ARNT2: variants seen among roughly 807,000 people sequenced by gnomAD.
The protein encoded by ARNT2 is ARNT protein 2.
A neutral mutation model predicts 91.7 loss-of-function variants in ARNT2; 36 were observed. The ratio of observed to expected loss-of-function variants is 0.39; its 90% CI spans 0.30 to 0.52. The LOEUF is 0.52. ARNT2 is among the 20% of genes least tolerant of loss of function. The probability of loss-of-function intolerance (pLI) is 0.72; values close to 1 mark genes in which losing one functional copy is unlikely to be tolerated. For missense variants in ARNT2, 775 were observed against 939.3 expected, an observed-to-expected ratio of 0.83 and a Z score of 2.29; for synonymous variants, 365 against 347.1, an observed-to-expected ratio of 1.05 and a Z score of -0.57.
chr15:80,554,853 G>A, intron 10 of ARNT2: 2 of 500,540 alleles, frequency 4.0e-6, no homozygotes, highest in Non-Finnish European at 7.2e-6. Context: ...TGGATATTGA[G>A]CATGCCAGAA....
In ARNT2 at chr15:80,591,822, C is replaced by T. The variant is rs762001904; in HGVS notation, c.2055+118C>T. On this transcript the variant is annotated intron_variant, in intron 18 of 18. Transcript: ENST00000303329. The surrounding 1 kb of genome is among the most constrained non-coding windows in gnomAD (Gnocchi z 5.1). ...ATAGCCGTCGTGAGTTCTGGCCCAG[C>T]CTGGGCTCGAGGGAGTCCAGGAGTA... 443 of 1,498,086 alleles carry T rather than the reference C, an allele frequency of 3.0e-4. No individual in the cohort carries two copies. Among genetic ancestry groups the T allele is most frequent in the Non-Finnish European group, 3.7e-4 (417 of 1,113,426 alleles). The allele number at this position is 1,498,086 out of a possible 1,614,324, so 92.8% of individuals were successfully genotyped here.
chr15:80,572,188 G>A lies in ARNT2; in HGVS notation c.1317-1960G>A, dbSNP rs1898595929. ...CTAAGGTGAGTTAGGATGAATGCAG[G>A]CACCTAGCAGGGGGCCAGGGCAAAT... On this transcript the variant is annotated intron_variant, in intron 12 of 18. Coordinates refer to ENST00000303329, the MANE Select transcript of ARNT2 (RefSeq NM_014862.4). Among the ~76,000 whole-genome samples, 3 of 151,984 alleles carry A rather than the reference G, an allele frequency of 2.0e-5. No individual in the cohort carries two copies. In the South Asian group the frequency reaches 6.2e-4, roughly 32 times the overall value.
intron 4 of ARNT2, among the ~76,000 whole-genome samples, chr15:80,472,413 G>A (rs1896744505): frequency 6.6e-6 from 1 of 152,112 alleles, no homozygotes; most frequent in African/African-American, 2.4e-5. Flanking sequence ...GATTTTGTTG[G>A]GAGACCTAAT....
intron 12 of ARNT2, among the ~76,000 whole-genome samples, chr15:80,566,289 C>G (rs925446748): frequency 3.3e-5 from 5 of 151,880 alleles, no homozygotes; most frequent in Non-Finnish European, 7.3e-5. Flanking sequence ...TGCCTTCCAA[C>G]AAACAGAGAC....
chr15:80,576,729 A>T (rs376272284), intron 14 of ARNT2, 137 bp from the exon 15 acceptor site: 1 of 826,398 alleles, frequency 1.2e-6, no homozygotes, highest in Non-Finnish European at 2.0e-6. Flanking sequence ...GGCTGAGAAG[A>T]TTGCGTGCAG....
At chr15:80,466,527 T>TTCACAGGC (rs1474674300) in intron 3 of ARNT2, among the ~76,000 whole-genome samples, 1 of 152,194 alleles carries the variant, frequency 6.6e-6, no homozygotes. Context: ...AGACACCAGG[T>TTCACAGGC]TCACAGGCTC....
intron 15 of ARNT2, among the ~76,000 whole-genome samples, chr15:80,577,945 G>A (rs1898710857): frequency 6.6e-6 from 1 of 152,210 alleles, no homozygotes; most frequent in Non-Finnish European, 1.5e-5. Context: ...AGACAAGATG[G>A]CAGCCCTCTG....
At chr15:80,406,123 G>A (rs1300498279) in intron 1 of ARNT2, among the ~76,000 whole-genome samples, 1 of 152,192 alleles carries the variant, frequency 6.6e-6, no homozygotes, top group Non-Finnish European at 1.5e-5. Context: ...TGGGCGGGTA[G>A]AAGAGTTCCA....
intron 1 of ARNT2, among the ~76,000 whole-genome samples, chr15:80,427,103 CA>C (rs1895944214): frequency 6.6e-6 from 1 of 152,002 alleles, no homozygotes; most frequent in African/African-American, 2.4e-5. Context: ...TCCCTACCAC[CA>C]GCTCAAAATT....
At chr15:80,583,744 A>T (rs145324220) in intron 17 of ARNT2, among the ~76,000 whole-genome samples, 48 of 152,354 alleles carry the variant, frequency 3.2e-4, no homozygotes, top group Non-Finnish European at 4.9e-4. Context: ...TAGCAGAATC[A>T]TGCCTTTGGA....
chr15:80,548,461 G>A (rs1596007957), intron 8 of ARNT2, among the ~76,000 whole-genome samples: 1 of 152,046 alleles, frequency 6.6e-6, no homozygotes, highest in East Asian at 1.9e-4. Context: ...GAAATTAGAG[G>A]CAAAAGAATG....
At chr15:80,590,643 G>A (rs1893259804) in intron 17 of ARNT2, among the ~76,000 whole-genome samples, 1 of 152,230 alleles carries the variant, frequency 6.6e-6, no homozygotes, top group African/African-American at 2.4e-5. Flanking sequence ...GAGGGAGGCT[G>A]AGGCTGGAGG....
chr15:80,455,646 T>C (rs1044808602), intron 2 of ARNT2, among the ~76,000 whole-genome samples: 1 of 152,142 alleles, frequency 6.6e-6, no homozygotes, highest in Non-Finnish European at 1.5e-5. Flanking sequence ...ACTGAAGTCC[T>C]AGATCCCAGG....
intron 2 of ARNT2, among the ~76,000 whole-genome samples, chr15:80,453,828 G>A (rs1176126228): frequency 1.6e-4 from 24 of 152,170 alleles, no homozygotes; most frequent in Admixed American, 1.6e-3. Flanking sequence ...GTGGAAGGGG[G>A]TAGTGGCATT....
intron 1 of ARNT2, among the ~76,000 whole-genome samples, chr15:80,420,332 A>T (rs1056726814): frequency 2.6e-5 from 4 of 152,144 alleles, no homozygotes; most frequent in Non-Finnish European, 5.9e-5. Context: ...GATATTTGGT[A>T]CAGTACTCTC....
chr15:80,472,419 C>CATT (rs1043173672), intron 4 of ARNT2, among the ~76,000 whole-genome samples: 8 of 152,098 alleles, frequency 5.3e-5, no homozygotes, highest in African/African-American at 1.7e-4. Context: ...GTTGGGAGAC[C>CATT]TAATGATTTA....
rs377734422 is a variant in ARNT2 at position 80,451,034 on chromosome 15, T to C, written c.146+40T>C. Reference sequence around the variant, plus strand: ...CGTTTCCAGGAATTGGCTTAATAAATGTTGAGCAATGCTCTTGACCTGTTA... The same window carrying C: ...CGTTTCCAGGAATTGGCTTAATAAACGTTGAGCAATGCTCTTGACCTGTTA... On this transcript the variant is annotated intron_variant, in intron 2 of 18. Coordinates refer to ENST00000303329, the MANE Select transcript of ARNT2 (RefSeq NM_014862.4). 3.6e-5 allele frequency: 56 copies of C among 1,560,152 alleles called. No individual in the cohort carries two copies. The East Asian group carries it at 1.1e-3, about 32-fold the overall frequency.
chr15:80,442,627 A>AG (rs1458927595), intron 1 of ARNT2, among the ~76,000 whole-genome samples: 5 of 152,232 alleles, frequency 3.3e-5, no homozygotes, highest in African/African-American at 1.2e-4. Context: ...GAAACTGAGG[A>AG]AAATAGTGAT....
At chr15:80,418,979 T>C (rs983337681) in intron 1 of ARNT2, among the ~76,000 whole-genome samples, 3 of 152,238 alleles carry the variant, frequency 2.0e-5, no homozygotes, top group African/African-American at 7.2e-5. Flanking sequence ...AGTCTGTGCC[T>C]TCATGCATTT....
Sources: allele counts gnomAD v4.1 joint callset (sites outside exome capture counted in the v4.1 genomes callset), GRCh38; gene constraint gnomAD v4.1.1; non-coding constraint Gnocchi (gnomAD v3.1); transcripts MANE v1.5; gene names NCBI Gene and HGNC (gene_info 2026-07-23, HGNC 2026-07-21).